Variants in ANK1 observed in about 807,000 individuals in gnomAD.
ANK1 encodes ankyrin 1.
A neutral mutation model predicts 210.4 loss-of-function variants in ANK1; 51 were observed. The observed-to-expected ratio is 0.24, with a 90% CI of 0.19 to 0.31. The LOEUF is 0.31. Among genes scored for constraint, ANK1 ranks in the 10% least tolerant of loss-of-function variants. ANK1 has a pLI of 1.00. For synonymous variants in ANK1, 967 were observed against 1,025.9 expected (o/e 0.94, Z 1.10); for missense variants, 2,051 against 2,504.4 (o/e 0.82, Z 3.86).
intron 39 of ANK1, chr8:41,665,680 C>T (rs1312476381): frequency 4.8e-6 from 1 of 209,754 alleles, no homozygotes; most frequent in Non-Finnish European, 9.7e-6. Context: ...AAAAATTGCT[C>T]CAAAAGGGTG....
intron 1 of ANK1, among the ~76,000 whole-genome samples, chr8:41,794,844 A>G (rs1032636248): frequency 6.6e-6 from 1 of 152,156 alleles, no homozygotes; most frequent in African/African-American, 2.4e-5. Context: ...AGCTGGGACT[A>G]CAGGCACACG....
At chr8:41,821,873 C>A (rs1804312665) in intron 1 of ANK1, among the ~76,000 whole-genome samples, 1 of 151,982 alleles carries the variant, frequency 6.6e-6, no homozygotes, top group South Asian at 2.1e-4. Flanking sequence ...CATAGTGAAA[C>A]CTCATCTCTA....
chr8:41,763,897 T>TC (rs1841124877), intron 1 of ANK1, among the ~76,000 whole-genome samples: 2 of 122,402 alleles, frequency 1.6e-5, no homozygotes, highest in Admixed American at 8.3e-5. Flanking sequence ...TTCTTTTTTT[T>TC]TTTTTTTTTT....
intron 1 of ANK1, among the ~76,000 whole-genome samples, chr8:41,832,440 A>G (rs1372011931): frequency 6.6e-6 from 1 of 152,174 alleles, no homozygotes; most frequent in Non-Finnish European, 1.5e-5. Context: ...CAGGGTGGAA[A>G]TGAACCAGAT....
rs553837109 is a variant in ANK1 at position 41,849,582 on chromosome 8, T to C, written c.126+46773A>G. 1.1e-3 allele frequency among the ~76,000 whole-genome samples: 168 copies of C among 151,786 alleles called. 5 individuals are homozygous for C. In the South Asian group the frequency reaches 0.035, roughly 31 times the overall value. The stretch of plus-strand genomic sequence containing the variant: ...CTGTCCTATTTCCCCAAATAGAGGG[T>C]AACCCCCTTGAAGGCAAAGGCAGGA... On this transcript the variant is annotated intron_variant, in intron 1 of 42. Transcript: ENST00000265709.
At chr8:41,739,521 C>CT (rs71239075) in intron 2 of ANK1, among the ~76,000 whole-genome samples, 46 of 116,114 alleles carry the variant, frequency 4.0e-4, no homozygotes, top group African/African-American at 1.2e-3. Flanking sequence ...TTTTTTCTTT[C>CT]TTTTTTTTTT....
In ANK1 at chr8:41,706,056, T is replaced by C. The variant is rs1824481971; in HGVS notation, c.2097+87A>G. ...CAGAGAAGAATGTCCCACTGGGTCT[T>C]TGGGGTTTCAAAGCTCTGTGGAAGA... On this transcript the variant is annotated intron_variant, in intron 18 of 42. Coordinates refer to ENST00000289734, the MANE Select transcript of ANK1 (RefSeq NM_000037.4). 5 of 1,310,374 alleles carry C rather than the reference T, an allele frequency of 3.8e-6. No individual in the cohort carries two copies. The East Asian group carries it at 9.2e-5, about 24-fold the overall frequency. The allele number at this position is 1,310,374 out of a possible 1,614,324, so 81.2% of individuals were successfully genotyped here.
In ANK1 at chr8:41,695,273, C is replaced by G. The variant is rs202226361; in HGVS notation, c.3019G>C (p.Val1007Leu). The G allele has an allele frequency of 1.2e-6, 2 of 1,613,972 alleles. No homozygotes were observed. The highest frequency in any genetic ancestry group is 8.5e-7 in the Non-Finnish European group (1 of 1,180,026). The change falls in exon 27 of 43, where the codon GTG becomes CTG. Residue 1007 changes from valine to leucine, a missense_variant. Coordinates refer to ENST00000289734, the MANE Select transcript of ANK1 (RefSeq NM_000037.4). ...GAGCCGTTTTCGCTCCTCAGAACCA[C>G]GAGCTCGCGGTCTCCACGGCCATGG... ...ASHGRGDREL[V>L]VLRSENGSVW...
At chr8:41,725,069 CCAGGCTGGT>C (rs1413259157) in intron 6 of ANK1, among the ~76,000 whole-genome samples, 3 of 152,198 alleles carry the variant, frequency 2.0e-5, no homozygotes, top group African/African-American at 7.2e-5. Context: ...ACTATGTTGT[CCAGGCTGGT>C]CTCCAATTCC....
intron 38 of ANK1, among the ~76,000 whole-genome samples, chr8:41,670,623 C>T (rs980579608): frequency 6.6e-6 from 1 of 152,246 alleles, no homozygotes; most frequent in Non-Finnish European, 1.5e-5. Context: ...AACTTCCAAA[C>T]GACTTCCTTT....
At position 41,803,078 on chromosome 8, in the gene ANK1, A is replaced by AGGAAG. The variant is rs1850323791; in HGVS notation, c.127-44946_127-44942dup. On this transcript the variant is annotated intron_variant, in intron 1 of 42. Coordinates refer to the ANK1 transcript ENST00000265709. ...AAGAGAGAAAGGAAGGAAGGAAGGA[A>AGGAAG]GGAAGGGAAGGAAAGGAAAGGAAAG... Among the ~76,000 whole-genome samples the AGGAAG allele has an allele frequency of 3.5e-4, 26 of 74,998 alleles. 1 individual carries two copies. The highest frequency in any genetic ancestry group is 1.4e-3 in the African/African-American group (24 of 17,624). The allele number at this position is 74,998 out of a possible 152,430, so 49.2% of individuals were successfully genotyped here.
intron 1 of ANK1, among the ~76,000 whole-genome samples, chr8:41,791,161 A>G (rs1563778635): frequency 6.9e-6 from 1 of 144,904 alleles, no homozygotes; most frequent in Non-Finnish European, 1.5e-5. Context: ...GACCTGTGCC[A>G]GCCTCTTTTC....
intron 1 of ANK1, among the ~76,000 whole-genome samples, chr8:41,866,006 C>T (rs1189209139): frequency 2.0e-5 from 3 of 152,208 alleles, no homozygotes; most frequent in East Asian, 1.9e-4. Context: ...GTCCAACTCT[C>T]GCCTCTCCAC....
intron 3 of ANK1, among the ~76,000 whole-genome samples, chr8:41,729,973 C>G (rs1378849134): frequency 6.6e-6 from 1 of 152,262 alleles, no homozygotes; most frequent in Non-Finnish European, 1.5e-5. Context: ...TGTCCCTGCA[C>G]TACTTAAGGA....
intron 2 of ANK1, among the ~76,000 whole-genome samples, chr8:41,745,205 G>C (rs1169891035): frequency 1.3e-5 from 2 of 152,120 alleles, no homozygotes; most frequent in Non-Finnish European, 2.9e-5. Flanking sequence ...ACAGAGAGAG[G>C]GAGAAATTGT....
intron 14 of ANK1, among the ~76,000 whole-genome samples, 181 bp downstream of exon 14, chr8:41,715,471 T>G (rs371220902): frequency 4.6e-5 from 7 of 152,242 alleles, no homozygotes; most frequent in African/African-American, 1.7e-4. Context: ...CTTCCTGTTT[T>G]GGGGAAGGAT....
At chr8:41,825,824 G>A (rs1252739971) in intron 1 of ANK1, among the ~76,000 whole-genome samples, 1 of 152,104 alleles carries the variant, frequency 6.6e-6, no homozygotes, top group African/African-American at 2.4e-5. Context: ...TTCTATAAAG[G>A]GGAGTTCCCC....
intron 2 of ANK1, among the ~76,000 whole-genome samples, chr8:41,754,701 A>G (rs1178849419): frequency 6.6e-6 from 1 of 152,188 alleles, no homozygotes; most frequent in Non-Finnish European, 1.5e-5. Context: ...CCCTGTGCAC[A>G]TTACGCAGAT....
chr8:41,798,288 G>A (rs900780918), upstream of ANK1, among the ~76,000 whole-genome samples: 9 of 152,020 alleles, frequency 5.9e-5, no homozygotes, highest in African/African-American at 2.2e-4. Flanking sequence ...TTTCACTAGG[G>A]CCCCATGCTG....
Sources: gnomAD v4.1 joint callset for allele counts (sites outside exome capture counted in the v4.1 genomes callset) on GRCh38, gnomAD v4.1.1 for gene constraint, MANE v1.5 for transcripts, NCBI Gene and HGNC (gene_info 2026-07-23, HGNC 2026-07-21) for gene names.